Variants in DNAH9 observed in about 807,000 individuals in gnomAD.
DNAH9 encodes dynein axonemal heavy chain 9, also known as DNAH9 variant protein.
In DNAH9, 345 loss-of-function variants were observed where a neutral mutation model predicts 471.6. The observed-to-expected ratio is 0.73, with a 90% CI of 0.67 to 0.80. DNAH9 has a LOEUF of 0.80. Among genes scored for constraint, DNAH9 ranks in the 30% least tolerant of loss-of-function variants. The pLI is 0.00. For missense variants in DNAH9, 5,407 were observed against 5,609.2 expected (o/e 0.96, Z 1.15); for synonymous variants, 2,093 against 2,123.6 (o/e 0.99, Z 0.40).
At chr17:11,944,151 G>T (rs1482930833) in intron 67 of DNAH9, among the ~76,000 whole-genome samples, 1 of 152,172 alleles carries the variant, frequency 6.6e-6, no homozygotes, top group African/African-American at 2.4e-5. Flanking sequence ...CTTTCAGTCT[G>T]ATTCAAGCAA....
intron 9 of DNAH9, among the ~76,000 whole-genome samples, chr17:11,638,667 G>C (rs567357928): frequency 6.6e-6 from 1 of 152,304 alleles, no homozygotes; most frequent in African/African-American, 2.4e-5. Flanking sequence ...TTACAGGCAT[G>C]AGCCACCACG....
intron 64 of DNAH9, 126 bp from the exon 65 acceptor site, chr17:11,933,754 C>A: frequency 1.2e-6 from 1 of 837,170 alleles, no homozygotes; most frequent in Non-Finnish European, 1.9e-6. Flanking sequence ...AAAAATAAGA[C>A]ATTGCTCTCA....
intron 67 of DNAH9, among the ~76,000 whole-genome samples, chr17:11,954,206 T>C (rs112874830): frequency 1.3e-5 from 2 of 151,814 alleles, no homozygotes; most frequent in African/African-American, 4.8e-5. Flanking sequence ...ATACATGTAA[T>C]TGGTGTCCCA....
At chr17:11,704,562 G>A in intron 25 of DNAH9, 120 bp downstream of exon 25, 2 of 883,970 alleles carry the variant, frequency 2.3e-6, no homozygotes, top group African/African-American at 1.7e-5. Context: ...GCTGGGGGAG[G>A]ATCACAGTGG....
At chr17:11,946,263 C>G (rs1476131707) in intron 67 of DNAH9, among the ~76,000 whole-genome samples, 1 of 145,150 alleles carries the variant, frequency 6.9e-6, no homozygotes, top group African/African-American at 2.5e-5. Flanking sequence ...AGACTTTAAA[C>G]TTGAACAGCT....
At chr17:11,815,829 A>T (rs1297484622) in intron 45 of DNAH9, among the ~76,000 whole-genome samples, 1 of 152,148 alleles carries the variant, frequency 6.6e-6, no homozygotes, top group Non-Finnish European at 1.5e-5. Flanking sequence ...AAAACACTGT[A>T]ATTTTTTTAT....
intron 19 of DNAH9, among the ~76,000 whole-genome samples, chr17:11,683,550 A>G (rs972820680): frequency 6.6e-6 from 1 of 152,216 alleles, no homozygotes; most frequent in African/African-American, 2.4e-5. Flanking sequence ...AGAGACTTCT[A>G]AGACTGCTTG....
intron 30 of DNAH9, 102 bp downstream of exon 30, chr17:11,742,415 TC>T: frequency 1.7e-6 from 2 of 1,185,450 alleles, no homozygotes; most frequent in Non-Finnish European, 2.4e-6. Flanking sequence ...TCAAGCTTTC[TC>T]ATAGAAAGTC....
At position 11,653,913 on chromosome 17, in the gene DNAH9, C is replaced by T. The variant is rs532048307; in HGVS notation, c.2595+911C>T. Among the ~76,000 whole-genome samples, 21 of 152,252 alleles carry T rather than the reference C, an allele frequency of 1.4e-4. No individual in the cohort carries two copies. In the South Asian group the frequency reaches 4.4e-3, roughly 32 times the overall value. ...TTTCATCCAACTGTTCATTCATCCA[C>T]TCATTCACCCATCCATCCATCAGCT... On this transcript the variant is annotated intron_variant, in intron 14 of 68. Coordinates refer to ENST00000262442, the MANE Select transcript of DNAH9 (RefSeq NM_001372.4).
intron 4 of DNAH9, 34 bp from the exon 5 acceptor site, chr17:11,617,377 G>A (rs1300068615): frequency 6.5e-7 from 1 of 1,532,250 alleles, no homozygotes; most frequent in Non-Finnish European, 9.0e-7. Context: ...TTAGGCTCCA[G>A]ATGGGAATGC....
At chr17:11,680,934 T>C (rs751695007) in intron 19 of DNAH9, 45 bp downstream of exon 19, 1 of 1,531,936 alleles carries the variant, frequency 6.5e-7, no homozygotes, top group South Asian at 1.2e-5. Flanking sequence ...AACACTGCAG[T>C]CTTTGAGTCA....
Position 11,823,139 on chromosome 17 carries a change from A to G in DNAH9, c.9246+105A>G, listed in dbSNP as rs998762265. 2.4e-5 allele frequency: 23 copies of G among 966,954 alleles called. No homozygotes were observed. In the Admixed American group the frequency reaches 6.4e-4, roughly 27 times the overall value. 59.9% of individuals were successfully genotyped at this position (966,954 alleles called of 1,614,324 possible). ...CACAATCAAGATCTGAAAAATATGTACGGTTTTCCAGAGACTCCCATGTCA... is the reference window on the plus strand; with the variant it reads ...CACAATCAAGATCTGAAAAATATGTGCGGTTTTCCAGAGACTCCCATGTCA... On this transcript the variant is annotated intron_variant, in intron 48 of 68. Coordinates refer to ENST00000262442, the MANE Select transcript of DNAH9 (RefSeq NM_001372.4).
intron 26 of DNAH9, among the ~76,000 whole-genome samples, chr17:11,711,901 TA>T (rs1249788992): frequency 7.8e-5 from 1 of 12,838 alleles, no homozygotes; most frequent in African/African-American, 1.3e-4. Flanking sequence ...TATAAATATA[TA>T]TATTTGTATA....
At position 11,628,842 on chromosome 17, in the gene DNAH9, G is replaced by A. The variant is rs148969258; in HGVS notation, c.1351-575G>A. Reference sequence around the variant, plus strand: ...TTAAAGACCACAAAGACATAGAGAGGTGGAAGCATACATTTCACTTATTTA... The same window carrying A: ...TTAAAGACCACAAAGACATAGAGAGATGGAAGCATACATTTCACTTATTTA... On this transcript the variant is annotated intron_variant, in intron 6 of 68. Transcript: ENST00000262442. 4.3e-3 allele frequency among the ~76,000 whole-genome samples: 648 copies of A among 152,136 alleles called. 4 individuals are homozygous for A. The highest frequency in any genetic ancestry group is 0.014 in the African/African-American group (585 of 41,516).
intron 28 of DNAH9, among the ~76,000 whole-genome samples, chr17:11,732,083 T>C (rs754882789): frequency 1.3e-5 from 2 of 152,194 alleles, no homozygotes; most frequent in Non-Finnish European, 2.9e-5. Context: ...AGCTTAACAA[T>C]GTACTAATCA....
intron 62 of DNAH9, 47 bp from the exon 63 acceptor site, chr17:11,929,819 G>A: frequency 6.6e-7 from 1 of 1,516,330 alleles, no homozygotes; most frequent in African/African-American, 1.4e-5. Context: ...TGCTAACAGA[G>A]CTAAGCAGAT....
At chr17:11,872,278 G>C (rs1732012478) in intron 52 of DNAH9, among the ~76,000 whole-genome samples, 1 of 151,962 alleles carries the variant, frequency 6.6e-6, no homozygotes, top group African/African-American at 2.4e-5. Flanking sequence ...ATGAACAGCT[G>C]CTCACATGCT....
At chr17:11,806,886 G>C (rs1442634068) in intron 43 of DNAH9, among the ~76,000 whole-genome samples, 1 of 152,156 alleles carries the variant, frequency 6.6e-6, no homozygotes, top group Non-Finnish European at 1.5e-5. Flanking sequence ...TAAGGTATAT[G>C]CATACTGCTG....
At chr17:11,900,056 T>C (rs910877257) in intron 59 of DNAH9, among the ~76,000 whole-genome samples, 2 of 151,502 alleles carry the variant, frequency 1.3e-5, no homozygotes, top group African/African-American at 4.9e-5. Context: ...TACATAACAG[T>C]ATGAGATATG....
Sources: allele counts gnomAD v4.1 joint callset (sites outside exome capture counted in the v4.1 genomes callset), GRCh38; gene constraint gnomAD v4.1.1; transcripts MANE v1.5; gene names NCBI Gene and HGNC (gene_info 2026-07-23, HGNC 2026-07-21).